The following CSTPP1 variants were observed in gnomAD, a reference collection of about 807,000 sequenced individuals.
CSTPP1 encodes the protein UPF0705 protein C11orf49.
the CSTPP1 span, chr11:46,991,429 A>G: frequency 2.0e-5 from 3 of 152,180 alleles, no homozygotes; most frequent in Non-Finnish European, 2.9e-5. Context: ...CCAGTCTTCT[A>G]AAGGAGGATG....
the CSTPP1 span, among the ~76,000 whole-genome samples, chr11:47,028,328 C>A: frequency 6.6e-6 from 1 of 152,196 alleles, no homozygotes; most frequent in Non-Finnish European, 1.5e-5. Flanking sequence ...GGGAGAAGCT[C>A]ATTCCGAATA....
At chr11:46,997,438 T>G in the CSTPP1 span, among the ~76,000 whole-genome samples, 7 of 152,222 alleles carry the variant, frequency 4.6e-5, no homozygotes, top group Non-Finnish European at 8.8e-5. Context: ...ACACTGGTTA[T>G]TCTAGTTAGC....
the CSTPP1 span, among the ~76,000 whole-genome samples, chr11:47,113,382 G>A: frequency 2.0e-5 from 3 of 152,144 alleles, no homozygotes; most frequent in Non-Finnish European, 2.9e-5. Flanking sequence ...GGATGGCTGG[G>A]TCAAATGGTA....
chr11:47,026,341 G>A, the CSTPP1 span, among the ~76,000 whole-genome samples: 1 of 152,138 alleles, frequency 6.6e-6, no homozygotes, highest in African/African-American at 2.4e-5. Context: ...CAAGCTCCTG[G>A]AAGCTCTGTT....
At chr11:46,971,209 T>C in the CSTPP1 span, among the ~76,000 whole-genome samples, 1 of 152,240 alleles carries the variant, frequency 6.6e-6, no homozygotes, top group Non-Finnish European at 1.5e-5. Flanking sequence ...GTTTCATTGA[T>C]GTGTGCTTTT....
the CSTPP1 span, among the ~76,000 whole-genome samples, chr11:47,011,825 T>A: frequency 1.3e-5 from 2 of 152,214 alleles, no homozygotes; most frequent in African/African-American, 4.8e-5. Context: ...AGGTAGTTTT[T>A]CAGTAATAAA....
At chr11:46,990,185 C>T in the CSTPP1 span, among the ~76,000 whole-genome samples, 3 of 152,216 alleles carry the variant, frequency 2.0e-5, no homozygotes, top group African/African-American at 7.2e-5. Context: ...AATTGTAGCT[C>T]TGTTTTAAGT....
the CSTPP1 span, among the ~76,000 whole-genome samples, chr11:47,030,427 T>C: frequency 6.6e-6 from 1 of 152,238 alleles, no homozygotes; most frequent in Non-Finnish European, 1.5e-5. Context: ...AATTTGGTCC[T>C]CTTGCCCATG....
At chr11:47,102,776 G>C in the CSTPP1 span, among the ~76,000 whole-genome samples, 1 of 152,216 alleles carries the variant, frequency 6.6e-6, no homozygotes, top group African/African-American at 2.4e-5. Flanking sequence ...GAGGAACTGA[G>C]TTCATAGAAA....
chr11:47,033,316 C>A, the CSTPP1 span, among the ~76,000 whole-genome samples: 1 of 152,196 alleles, frequency 6.6e-6, no homozygotes, highest in Non-Finnish European at 1.5e-5. Flanking sequence ...GCCTGTATCA[C>A]TGAAGAGTTC....
chr11:46,936,925 G>T, the CSTPP1 span: 1 of 1,422,024 alleles, frequency 7.0e-7, no homozygotes, highest in South Asian at 1.5e-5. Flanking sequence ...AGGAGGCGGG[G>T]GCGGGGTCTG....
the CSTPP1 span, among the ~76,000 whole-genome samples, chr11:46,969,136 C>T: frequency 5.3e-5 from 8 of 152,162 alleles, no homozygotes; most frequent in African/African-American, 1.7e-4. Context: ...ATGACTCCCA[C>T]GGCAACACTG....
At chr11:47,065,738 G>T in the CSTPP1 span, among the ~76,000 whole-genome samples, 5 of 151,104 alleles carry the variant, frequency 3.3e-5, no homozygotes, top group Admixed American at 2.0e-4. Flanking sequence ...AAATATAATT[G>T]ATTATTATTA....
chr11:47,090,771 GGCTCACGCCT>G, the CSTPP1 span, among the ~76,000 whole-genome samples: 1 of 152,156 alleles, frequency 6.6e-6, no homozygotes, highest in Non-Finnish European at 1.5e-5. Context: ...CGGGCACGGA[GGCTCACGCCT>G]GTAATCCCAG....
chr11:47,161,611 T>C, the CSTPP1 span: 4 of 1,613,748 alleles, frequency 2.5e-6, no homozygotes, highest in Non-Finnish European at 3.4e-6. Context: ...ATGGCTCCAC[T>C]GAAGAGACAG....
chr11:47,152,025 G>A, the CSTPP1 span, among the ~76,000 whole-genome samples: 2 of 152,142 alleles, frequency 1.3e-5, no homozygotes, highest in South Asian at 2.1e-4. Context: ...CTCTATAGGC[G>A]GATCACTTGA....
the CSTPP1 span, among the ~76,000 whole-genome samples, chr11:46,990,593 T>A: frequency 1.3e-5 from 2 of 152,142 alleles, no homozygotes; most frequent in Non-Finnish European, 2.9e-5. Context: ...AGGTTGTCTA[T>A]TGATAGTTTC....
chr11:47,158,708 T>C, the CSTPP1 span, among the ~76,000 whole-genome samples: 1 of 152,214 alleles, frequency 6.6e-6, no homozygotes, highest in Non-Finnish European at 1.5e-5. Flanking sequence ...AAAATTTTTG[T>C]GTTTTTTGTA....
At chr11:47,095,966 G>A in the CSTPP1 span, among the ~76,000 whole-genome samples, 1 of 151,922 alleles carries the variant, frequency 6.6e-6, no homozygotes, top group African/African-American at 2.4e-5. Context: ...AACAACTAAG[G>A]GTACCCTATC....
Sources: gnomAD v4.1 joint callset for allele counts (sites outside exome capture counted in the v4.1 genomes callset) on GRCh38, gnomAD v4.1.1 for gene constraint, MANE v1.5 for transcripts, NCBI Gene and HGNC (gene_info 2026-07-23, HGNC 2026-07-21) for gene names.